Variants in ITPR1 observed in about 807,000 individuals in gnomAD.
ITPR1 encodes the protein inositol 1,4,5-trisphosphate-gated calcium channel ITPR1.
In ITPR1, 96 loss-of-function variants were observed where a neutral mutation model predicts 318.4. That is an observed-to-expected ratio of 0.30 (90% CI 0.26 to 0.36). ITPR1 has a LOEUF of 0.36. Ranked by LOEUF, ITPR1 falls within the 10% of genes least tolerant of loss-of-function variation. ITPR1 has a pLI of 1.00. For synonymous variants in ITPR1, 1,312 were observed against 1,289.9 expected (o/e 1.02, Z -0.37); for missense variants, 2,440 against 3,460.2 (o/e 0.71, Z 7.40).
chr3:4,549,083 T>C (rs2085307044), intron 4 of ITPR1, among the ~76,000 whole-genome samples: 1 of 152,172 alleles, frequency 6.6e-6, no homozygotes, highest in Non-Finnish European at 1.5e-5. Flanking sequence ...ACTTAAGCCC[T>C]CTCCATTTGT....
chr3:4,570,994 C>T (rs976307340), intron 4 of ITPR1, among the ~76,000 whole-genome samples: 8 of 152,186 alleles, frequency 5.3e-5, no homozygotes, highest in Non-Finnish European at 1.0e-4. Context: ...AGTGAGGTGA[C>T]TGAATGACTT....
chr3:4,539,078 C>T (rs907053216), intron 4 of ITPR1, among the ~76,000 whole-genome samples: 1 of 152,132 alleles, frequency 6.6e-6, no homozygotes, highest in Non-Finnish European at 1.5e-5. Context: ...TAATTATAAA[C>T]ATTGACTTCA....
At chr3:4,564,956 T>C (rs936885454) in intron 4 of ITPR1, among the ~76,000 whole-genome samples, 1 of 152,214 alleles carries the variant, frequency 6.6e-6, no homozygotes, top group African/African-American at 2.4e-5. Flanking sequence ...GTGCATATAA[T>C]TTGGCTAAAC....
intron 37 of ITPR1, among the ~76,000 whole-genome samples, chr3:4,709,073 G>C (rs963061639): frequency 2.0e-5 from 3 of 152,200 alleles, no homozygotes; most frequent in African/African-American, 7.2e-5. Flanking sequence ...AAATACCGTA[G>C]ACAAAGATTT....
intron 12 of ITPR1, among the ~76,000 whole-genome samples, chr3:4,654,514 G>A (rs2093662682): frequency 6.6e-6 from 1 of 152,204 alleles, no homozygotes. Flanking sequence ...ACATTTATGG[G>A]TTGAAGAAGG....
At chr3:4,699,021 C>T (rs2094601465) in intron 34 of ITPR1, among the ~76,000 whole-genome samples, 2 of 152,004 alleles carry the variant, frequency 1.3e-5, no homozygotes, top group Non-Finnish European at 2.9e-5. Context: ...GTGTATTGGT[C>T]AGATTTTAAT....
chr3:4,694,113 T>G (rs1447222504), intron 33 of ITPR1, among the ~76,000 whole-genome samples: 1 of 151,894 alleles, frequency 6.6e-6, no homozygotes, highest in Non-Finnish European at 1.5e-5. Flanking sequence ...GTTAATTCTT[T>G]AAAACAAAAA....
At chr3:4,515,267 G>A (rs1305071921) in intron 2 of ITPR1, among the ~76,000 whole-genome samples, 2 of 152,164 alleles carry the variant, frequency 1.3e-5, no homozygotes, top group East Asian at 3.8e-4. Flanking sequence ...GATCATTGCT[G>A]CATAATTCTT....
intron 3 of ITPR1, among the ~76,000 whole-genome samples, chr3:4,518,228 T>G (rs1304916861): frequency 6.6e-6 from 1 of 152,164 alleles, no homozygotes; most frequent in Non-Finnish European, 1.5e-5. Flanking sequence ...TCTATTCCCA[T>G]GTTTCCCCTG....
intron 55 of ITPR1, among the ~76,000 whole-genome samples, chr3:4,807,620 G>C (rs1009461781): frequency 1.6e-4 from 24 of 152,146 alleles, no homozygotes; most frequent in African/African-American, 5.1e-4. Context: ...TCACCGTTCA[G>C]ATCACTAGGA....
At chr3:4,660,949 A>G (rs2093818994) in intron 13 of ITPR1, 39 bp from the exon 14 acceptor site, 1 of 1,072,608 alleles carries the variant, frequency 9.3e-7, no homozygotes, top group Non-Finnish European at 1.4e-6. Context: ...GTAAACCTCA[A>G]TATTTATTTC....
chr3:4,662,355 G>T (rs2093852683), intron 15 of ITPR1, 113 bp downstream of exon 15: 7 of 909,224 alleles, frequency 7.7e-6, no homozygotes, highest in Admixed American at 3.4e-5. Context: ...GGGGTAGCAG[G>T]CCTTAGCATT....
intron 5 of ITPR1, 114 bp from the exon 6 acceptor site, chr3:4,639,270 A>T: frequency 2.6e-6 from 2 of 768,848 alleles, no homozygotes; most frequent in South Asian, 3.2e-5. Context: ...GTCCTCAGGG[A>T]TTTGCGTATT....
chr3:4,787,860 G>T, intron 51 of ITPR1, 87 bp from the exon 52 acceptor site: 1 of 888,210 alleles, frequency 1.1e-6, no homozygotes, highest in South Asian at 1.6e-5. Flanking sequence ...ACTCAATCTT[G>T]ACCACCGAGT....
chr3:4,691,414 T>C (rs1229364208), intron 32 of ITPR1, 70 bp downstream of exon 32: 3 of 1,119,286 alleles, frequency 2.7e-6, no homozygotes, highest in East Asian at 2.6e-5. Flanking sequence ...TTTAATCTTA[T>C]CTGTATGAAC....
chr3:4,644,253 G>A lies in ITPR1; in HGVS notation c.624+19G>A. Reference sequence around the variant, plus strand: ...CAATGAGGTAAGGACATTGAGTTATGTGTGTGGGTGTGGTTATCCTGCAGG... The same window carrying A: ...CAATGAGGTAAGGACATTGAGTTATATGTGTGGGTGTGGTTATCCTGCAGG... On this transcript the variant is annotated intron_variant, in intron 8 of 61. Coordinates refer to ENST00000649015, the MANE Select transcript of ITPR1 (RefSeq NM_001378452.1). 1 of 1,528,976 alleles carries A rather than the reference G, an allele frequency of 6.5e-7. No homozygotes were observed. The highest frequency in any genetic ancestry group is 9.0e-7 in the Non-Finnish European group (1 of 1,112,978). The allele number at this position is 1,528,976 out of a possible 1,614,324, so 94.7% of individuals were successfully genotyped here.
intron 4 of ITPR1, among the ~76,000 whole-genome samples, chr3:4,537,633 C>T (rs923635807): frequency 9.2e-5 from 14 of 152,028 alleles, no homozygotes; most frequent in African/African-American, 3.4e-4. Context: ...CAGGAGGATT[C>T]GAGTTAATAG....
At chr3:4,759,118 C>T (rs1464485182) in intron 44 of ITPR1, among the ~76,000 whole-genome samples, 1 of 152,172 alleles carries the variant, frequency 6.6e-6, no homozygotes, top group Non-Finnish European at 1.5e-5. Context: ...TGTCTCCCTG[C>T]TGTCACCGAG....
chr3:4,811,526 A>T, intron 56 of ITPR1, 66 bp downstream of exon 56: 1 of 1,336,448 alleles, frequency 7.5e-7, no homozygotes. Flanking sequence ...ACTGAACTAA[A>T]GAAAATAACG....
Sources: gnomAD v4.1 joint callset for allele counts (sites outside exome capture counted in the v4.1 genomes callset) on GRCh38, gnomAD v4.1.1 for gene constraint, MANE v1.5 for transcripts, NCBI Gene and HGNC (gene_info 2026-07-23, HGNC 2026-07-21) for gene names.